Variants in SNX29 observed in about 807,000 individuals in gnomAD.
SNX29 encodes sorting nexin-29.
In SNX29, 78 loss-of-function variants were observed where a neutral mutation model predicts 102.1. The ratio of observed to expected loss-of-function variants is 0.76; its 90% CI spans 0.64 to 0.92. SNX29 has a LOEUF of 0.92. SNX29 is among the 40% of genes least tolerant of loss of function. SNX29 has a pLI of 0.00. For missense variants in SNX29, 1,280 were observed against 1,061.7 expected (o/e 1.21, Z -2.86); for synonymous variants, 580 against 414.5 (o/e 1.40, Z -4.85).
chr16:12,332,834 C>T (rs2081334659), intron 15 of SNX29, among the ~76,000 whole-genome samples: 1 of 152,102 alleles, frequency 6.6e-6, no homozygotes, highest in Admixed American at 6.6e-5. Context: ...TTCGTCTTGG[C>T]TGCTGTTGCC....
chr16:12,162,836 C>G (rs2055847527), intron 13 of SNX29, among the ~76,000 whole-genome samples: 1 of 152,166 alleles, frequency 6.6e-6, no homozygotes, highest in African/African-American at 2.4e-5. Flanking sequence ...CGGCAACACC[C>G]TGGAGGGCCG....
intron 20 of SNX29, among the ~76,000 whole-genome samples, chr16:12,549,117 G>C (rs760693411): frequency 6.6e-5 from 10 of 152,196 alleles, no homozygotes; most frequent in Non-Finnish European, 1.2e-4. Context: ...GGACATAGCA[G>C]ATGGAAAATT....
At chr16:12,310,340 A>G (rs1386898507) in intron 15 of SNX29, among the ~76,000 whole-genome samples, 1 of 152,218 alleles carries the variant, frequency 6.6e-6, no homozygotes, top group Non-Finnish European at 1.5e-5. Context: ...AGAGAAAAGG[A>G]AATACACGTT....
At chr16:12,451,158 C>T (rs1012305621) in intron 18 of SNX29, among the ~76,000 whole-genome samples, 6 of 152,218 alleles carry the variant, frequency 3.9e-5, no homozygotes, top group African/African-American at 1.4e-4. Flanking sequence ...ATCTGCTACT[C>T]GCTGGCCTCC....
intron 20 of SNX29, among the ~76,000 whole-genome samples, chr16:12,558,321 C>G (rs532927997): frequency 6.6e-5 from 10 of 151,544 alleles, no homozygotes; most frequent in Non-Finnish European, 1.0e-4. Context: ...CCTCAAGTGG[C>G]TATCAACAAA....
intron 18 of SNX29, among the ~76,000 whole-genome samples, chr16:12,410,273 T>C (rs12932341): frequency 0.57 from 87,115 of 151,990 alleles, 25,311 homozygotes; most frequent in Non-Finnish European, 0.63. Context: ...GGATTATAGG[T>C]GTGAGCCACT....
intron 1 of SNX29, among the ~76,000 whole-genome samples, chr16:11,978,995 G>T (rs2055360475): frequency 1.3e-5 from 2 of 151,888 alleles, no homozygotes; most frequent in Admixed American, 6.6e-5. Context: ...CATTACGTCT[G>T]CTGGGTGTGA....
At chr16:12,047,050 C>A (rs1172534706) in intron 6 of SNX29, among the ~76,000 whole-genome samples, 1 of 152,184 alleles carries the variant, frequency 6.6e-6, no homozygotes, top group Non-Finnish European at 1.5e-5. Flanking sequence ...ACCTTTGAAT[C>A]CTGGCTTTAC....
At chr16:12,045,222 C>G (rs1395103143) in intron 5 of SNX29, among the ~76,000 whole-genome samples, 1 of 152,180 alleles carries the variant, frequency 6.6e-6, no homozygotes, top group Non-Finnish European at 1.5e-5. Context: ...TTCTTTCTTT[C>G]TGTTAGTTGT....
chr16:12,003,128 G>A (rs762960002), intron 3 of SNX29, 85 bp downstream of exon 3: 17 of 1,563,872 alleles, frequency 1.1e-5, no homozygotes, highest in African/African-American at 2.7e-5. Context: ...GTTGACCATC[G>A]AGGTTGGAAA....
intron 16 of SNX29, among the ~76,000 whole-genome samples, chr16:12,381,996 G>C (rs1363973078): frequency 6.6e-6 from 1 of 151,540 alleles, no homozygotes; most frequent in Non-Finnish European, 1.5e-5. Context: ...AAAATGATTT[G>C]TACCTAAAGT....
At position 12,419,969 on chromosome 16, in the gene SNX29, A is replaced by G. The variant is rs2084806592; in HGVS notation, c.2037+16440A>G. Among the ~76,000 whole-genome samples the G allele has an allele frequency of 2.6e-5, 4 of 152,236 alleles. No homozygotes were observed. In the South Asian group the frequency reaches 8.3e-4, roughly 31 times the overall value. On this transcript the variant is annotated intron_variant, in intron 18 of 20. Transcript: ENST00000566228. ...GTCCACTGAAGCCTGCAGGCTGCCCACAGCTCAGGCTCGGCTTAGGGCCAG... is the reference window on the plus strand; with the variant it reads ...GTCCACTGAAGCCTGCAGGCTGCCCGCAGCTCAGGCTCGGCTTAGGGCCAG...
At chr16:12,520,457 G>T (rs2090055070) in intron 19 of SNX29, among the ~76,000 whole-genome samples, 1 of 152,170 alleles carries the variant, frequency 6.6e-6, no homozygotes. Context: ...GACCCTTTGT[G>T]CAAGTTCCTC....
chr16:12,274,307 C>T (rs545597033), intron 14 of SNX29, among the ~76,000 whole-genome samples: 2 of 151,616 alleles, frequency 1.3e-5, no homozygotes, highest in Admixed American at 1.3e-4. Flanking sequence ...TGTAAAAATT[C>T]TTCTTCCACT....
chr16:12,420,773 T>C (rs1377945652), intron 18 of SNX29, among the ~76,000 whole-genome samples: 1 of 151,846 alleles, frequency 6.6e-6, no homozygotes, highest in Non-Finnish European at 1.5e-5. Context: ...CTCAGGGAAA[T>C]GATGGACGCA....
At chr16:12,515,828 C>T (rs538822245) in intron 19 of SNX29, among the ~76,000 whole-genome samples, 113 of 152,194 alleles carry the variant, frequency 7.4e-4, no homozygotes, top group African/African-American at 2.6e-3. Flanking sequence ...CATGCAGGAG[C>T]CAGCACAATT....
chr16:12,284,521 A>G (rs922534113), intron 15 of SNX29, among the ~76,000 whole-genome samples: 3 of 152,210 alleles, frequency 2.0e-5, no homozygotes, highest in Non-Finnish European at 4.4e-5. Flanking sequence ...GTTTTGGTTC[A>G]GGGCTGGGTA....
chr16:12,541,363 C>T (rs924567046), intron 20 of SNX29, among the ~76,000 whole-genome samples: 2 of 152,138 alleles, frequency 1.3e-5, no homozygotes, highest in African/African-American at 2.4e-5. Context: ...TCACAGAATT[C>T]CCTATGAGGG....
intron 20 of SNX29, among the ~76,000 whole-genome samples, chr16:12,553,116 G>T (rs1368892459): frequency 6.8e-6 from 1 of 147,586 alleles, no homozygotes; most frequent in African/African-American, 2.7e-5. Context: ...TTTCAGGCTG[G>T]GAGGGCCTTG....
Sources: gnomAD v4.1 joint callset for allele counts (sites outside exome capture counted in the v4.1 genomes callset) on GRCh38, gnomAD v4.1.1 for gene constraint, MANE v1.5 for transcripts, NCBI Gene and HGNC (gene_info 2026-07-23, HGNC 2026-07-21) for gene names.